PLEKHM3: variants seen among roughly 807,000 people sequenced by gnomAD.
PLEKHM3 encodes pleckstrin homology domain containing M3, also known as pleckstrin homology domain-containing family M member 3.
A neutral mutation model predicts 81.8 loss-of-function variants in PLEKHM3; 45 were observed. The ratio of observed to expected loss-of-function variants is 0.55; its 90% CI spans 0.43 to 0.71. The LOEUF (loss-of-function observed/expected upper bound fraction) is 0.71, where lower values mean the gene tolerates loss of function less well. PLEKHM3 is among the 30% of genes least tolerant of loss of function. PLEKHM3 has a pLI of 0.00. For synonymous variants in PLEKHM3, 352 were observed against 356.4 expected (o/e 0.99, Z 0.14); for missense variants, 788 against 924.3 (o/e 0.85, Z 1.91).
chr2:208,001,353 A>G lies in PLEKHM3; in HGVS notation c.287T>C (p.Met96Thr). ...ATCTGGGGTTGTCCCTCTCTGGACCATAAACTGTTCTTTGGCAGGGAAGAC... is the reference window on the plus strand; with the variant it reads ...ATCTGGGGTTGTCCCTCTCTGGACCGTAAACTGTTCTTTGGCAGGGAAGAC... ...QNVFPAKEQF[M>T]VQRGTTPDNL... Residue 96 changes from methionine to threonine, a missense_variant, in exon 2 of 8, where the codon ATG becomes ACG. Physicochemically the swap from Met to Thr is moderately conservative, Grantham distance 81. Coordinates refer to ENST00000427836, the MANE Select transcript of PLEKHM3 (RefSeq NM_001080475.3). The G allele has an allele frequency of 2.5e-6, 4 of 1,614,240 alleles. No homozygotes were observed. Among genetic ancestry groups the G allele is most frequent in the Non-Finnish European group, 3.4e-6 (4 of 1,180,030 alleles).
At chr2:207,930,118 C>G (rs970072764) in intron 5 of PLEKHM3, among the ~76,000 whole-genome samples, 1 of 152,182 alleles carries the variant, frequency 6.6e-6, no homozygotes, top group Non-Finnish European at 1.5e-5. Context: ...CTTTAAGGAT[C>G]TGAGCCTGCT....
chr2:207,884,857 A>G (rs1289492044), intron 6 of PLEKHM3, among the ~76,000 whole-genome samples: 1 of 152,202 alleles, frequency 6.6e-6, no homozygotes, highest in Non-Finnish European at 1.5e-5. Flanking sequence ...AAGGGAACAG[A>G]TGATATTAGT....
chr2:207,882,173 T>A lies in PLEKHM3; in HGVS notation c.1951-20911A>T, dbSNP rs2092594926. Reference sequence around the variant, plus strand: ...TTTAGTCATTTGGGGAATGGGCAGCTTTAGAAACCACAAATTCCCACTTAT... The same window carrying A: ...TTTAGTCATTTGGGGAATGGGCAGCATTAGAAACCACAAATTCCCACTTAT... On this transcript the variant is annotated intron_variant, in intron 6 of 7. Coordinates refer to ENST00000427836, the MANE Select transcript of PLEKHM3 (RefSeq NM_001080475.3). Among the ~76,000 whole-genome samples, 4 of 152,226 alleles carry A rather than the reference T, an allele frequency of 2.6e-5. No individual in the cohort carries two copies. The South Asian group carries it at 8.3e-4, about 32-fold the overall frequency.
intron 5 of PLEKHM3, among the ~76,000 whole-genome samples, chr2:207,925,556 C>T (rs1400460522): frequency 6.6e-6 from 1 of 152,252 alleles, no homozygotes; most frequent in Non-Finnish European, 1.5e-5. Context: ...AGAAAACTGG[C>T]TCTGAAAGCT....
chr2:207,959,518 A>G (rs991057465), intron 3 of PLEKHM3, among the ~76,000 whole-genome samples: 4 of 152,150 alleles, frequency 2.6e-5, no homozygotes, highest in Admixed American at 2.0e-4. Flanking sequence ...TCCACTCTGT[A>G]GCTTCTATCA....
chr2:207,869,912 T>C (rs879930766), intron 6 of PLEKHM3: 3 of 152,218 alleles, frequency 2.0e-5, no homozygotes, highest in Non-Finnish European at 4.4e-5. Context: ...ATGGTCAGCA[T>C]TGGAATTTGA....
chr2:207,914,134 C>T (rs1382433282), intron 5 of PLEKHM3, among the ~76,000 whole-genome samples: 8 of 152,096 alleles, frequency 5.3e-5, no homozygotes, highest in Non-Finnish European at 1.2e-4. Flanking sequence ...GGGAGGATCA[C>T]TTGAGCTCAG....
At chr2:207,959,219 C>G (rs193106194) in intron 3 of PLEKHM3, among the ~76,000 whole-genome samples, 1 of 152,298 alleles carries the variant, frequency 6.6e-6, no homozygotes, top group African/African-American at 2.4e-5. Context: ...GTTCTGAACA[C>G]TTTTGCCTCA....
At chr2:208,023,720 C>T (rs903686177) in intron 1 of PLEKHM3, among the ~76,000 whole-genome samples, 2 of 152,104 alleles carry the variant, frequency 1.3e-5, no homozygotes, top group East Asian at 1.9e-4. Context: ...CCACACCACC[C>T]GCTCTGTGGA....
At chr2:207,900,404 T>G (rs1397019604) in intron 6 of PLEKHM3, 1 of 152,178 alleles carries the variant, frequency 6.6e-6, no homozygotes, top group Non-Finnish European at 1.5e-5. Flanking sequence ...GCTTTGGAAA[T>G]CACATGGCAT....
rs1575254144 is a variant in PLEKHM3, at chr2:207,823,330, C to G, written c.*4989G>C. On this transcript the variant is annotated 3_prime_UTR_variant, in exon 8 of 8. Transcript: ENST00000427836. ...TTTTTTTTTTTTTTTGAGACGGAGT[C>G]TTGCTCTGTCGCCCAGGCTGGAGTG... 1 of 149,322 alleles carries G rather than the reference C, an allele frequency of 6.7e-6. No individual in the cohort carries two copies. The highest frequency in any genetic ancestry group is 2.5e-5 in the African/African-American group (1 of 40,446). 9.2% of individuals were successfully genotyped at this position (149,322 alleles called of 1,614,324 possible). A position where few individuals can be genotyped will look rare whatever the true frequency, so the allele number is the denominator to read the frequency against.
At chr2:208,022,367 G>C (rs903460096) in intron 1 of PLEKHM3, among the ~76,000 whole-genome samples, 4 of 152,180 alleles carry the variant, frequency 2.6e-5, no homozygotes, top group Non-Finnish European at 4.4e-5. Context: ...AAGGTCAGAA[G>C]ACTGGATGGG....
intron 6 of PLEKHM3, among the ~76,000 whole-genome samples, chr2:207,903,248 A>G (rs972734212): frequency 2.6e-5 from 4 of 152,156 alleles, no homozygotes; most frequent in African/African-American, 9.7e-5. Flanking sequence ...GCCCTCACCT[A>G]AAGGTAGGGT....
chr2:207,972,596 A>AG (rs1426687296), intron 3 of PLEKHM3, among the ~76,000 whole-genome samples: 1 of 151,834 alleles, frequency 6.6e-6, no homozygotes, highest in African/African-American at 2.4e-5. Context: ...CAAAAAAAAA[A>AG]AAAAAAAAAG....
At chr2:207,837,141 T>C (rs1202280833) in intron 7 of PLEKHM3, among the ~76,000 whole-genome samples, 3 of 152,216 alleles carry the variant, frequency 2.0e-5, no homozygotes, top group Non-Finnish European at 2.9e-5. Context: ...TTATTTGTTA[T>C]TGTGTAAGTA....
At chr2:207,880,770 A>C (rs2092585872) in intron 6 of PLEKHM3, among the ~76,000 whole-genome samples, 2 of 127,096 alleles carry the variant, frequency 1.6e-5, no homozygotes, top group Admixed American at 7.9e-5. Context: ...CTCAAAAAAA[A>C]AAAAAAAAAA....
chr2:207,836,573 G>A (rs912471303), intron 7 of PLEKHM3, among the ~76,000 whole-genome samples: 2 of 152,156 alleles, frequency 1.3e-5, no homozygotes, highest in Non-Finnish European at 2.9e-5. Context: ...AAATATTATG[G>A]CAAAGAGGCA....
intron 1 of PLEKHM3, among the ~76,000 whole-genome samples, chr2:208,007,425 G>A (rs1003597682): frequency 3.9e-5 from 6 of 152,110 alleles, no homozygotes; most frequent in African/African-American, 1.2e-4. Context: ...CAGGCATGCC[G>A]CAAGCAGCTA....
chr2:208,009,485 G>A (rs1574488759), intron 1 of PLEKHM3, among the ~76,000 whole-genome samples: 1 of 152,138 alleles, frequency 6.6e-6, no homozygotes, highest in Non-Finnish European at 1.5e-5. Flanking sequence ...ATAATTACAG[G>A]TTATCAAAAG....
Sources: allele counts gnomAD v4.1 joint callset (sites outside exome capture counted in the v4.1 genomes callset), GRCh38; gene constraint gnomAD v4.1.1; transcripts MANE v1.5; gene names NCBI Gene and HGNC (gene_info 2026-07-23, HGNC 2026-07-21).